The following B3GALT5 variants were observed in gnomAD, a reference collection of about 807,000 sequenced individuals.
B3GALT5 encodes beta-1,3-galactosyltransferase 5.
For missense variants in B3GALT5, 328 were observed against 396.6 expected, an observed-to-expected ratio of 0.83 and a Z score of 1.47; for synonymous variants, 156 against 158.6, an observed-to-expected ratio of 0.98 and a Z score of 0.12.
chr21:39,656,272 G>A (rs550426055), intron 2 of B3GALT5, among the ~76,000 whole-genome samples: 63 of 152,288 alleles, frequency 4.1e-4, no homozygotes, highest in Non-Finnish European at 6.3e-4. Context: ...CAAGGCCTAT[G>A]CGGTGGTGAG....
intron 1 of B3GALT5, among the ~76,000 whole-genome samples, chr21:39,615,255 G>T (rs563665411): frequency 1.3e-5 from 2 of 152,120 alleles, no homozygotes; most frequent in Admixed American, 6.5e-5. Flanking sequence ...GACCTCTTCC[G>T]AGTTTTGACA....
intron 1 of B3GALT5, among the ~76,000 whole-genome samples, chr21:39,619,826 T>G (rs1262404808): frequency 6.6e-6 from 1 of 152,148 alleles, no homozygotes; most frequent in Non-Finnish European, 1.5e-5. Flanking sequence ...TTATTTTTTT[T>G]AGGCAGAGTC....
rs141794161 is a variant in B3GALT5 at position 39,635,320 on chromosome 21, T to C, written c.-391-11072T>C. ...CAAGATGTGCCATGGAGAGTGAAGG[T>C]GTGTGAGTCAAGGGATGATCCTATG... On this transcript the variant is annotated intron_variant, in intron 1 of 3. Coordinates refer to ENST00000684187, the MANE Select transcript of B3GALT5 (RefSeq NM_001356336.2). 5.8e-3 allele frequency among the ~76,000 whole-genome samples: 885 copies of C among 152,116 alleles called. 10 individuals are homozygous for C. The highest frequency in any genetic ancestry group is 0.02 in the African/African-American group (849 of 41,488).
chr21:39,637,590 C>T (rs181183966), intron 1 of B3GALT5, among the ~76,000 whole-genome samples: 60 of 152,356 alleles, frequency 3.9e-4, no homozygotes, highest in African/African-American at 1.2e-3. Flanking sequence ...ATGGCTACCC[C>T]GCCCAGGGCT....
chr21:39,620,380 A>G (rs1201556038), intron 1 of B3GALT5, among the ~76,000 whole-genome samples: 1 of 152,200 alleles, frequency 6.6e-6, no homozygotes, highest in Non-Finnish European at 1.5e-5. Flanking sequence ...GAAGTTATGC[A>G]TTTTTGGTAA....
chr21:39,636,885 G>T (rs2079231977), intron 1 of B3GALT5, among the ~76,000 whole-genome samples: 1 of 152,152 alleles, frequency 6.6e-6, no homozygotes, highest in Non-Finnish European at 1.5e-5. Flanking sequence ...GTGGTGGAAG[G>T]GATCCGCTGT....
intron 2 of B3GALT5, among the ~76,000 whole-genome samples, chr21:39,656,081 T>C (rs1476831299): frequency 1.3e-5 from 2 of 152,184 alleles, no homozygotes; most frequent in African/African-American, 2.4e-5. Flanking sequence ...TGTTAAAATA[T>C]AGATTCCTGG....
At chr21:39,652,118 G>A (rs1555927784) in intron 2 of B3GALT5, among the ~76,000 whole-genome samples, 1 of 152,182 alleles carries the variant, frequency 6.6e-6, no homozygotes, top group Non-Finnish European at 1.5e-5. Context: ...GAAGGTCATT[G>A]TCCTTGTAGC....
intron 1 of B3GALT5, among the ~76,000 whole-genome samples, chr21:39,626,303 T>C (rs773838689): frequency 1.3e-5 from 2 of 152,250 alleles, no homozygotes; most frequent in Non-Finnish European, 2.9e-5. Flanking sequence ...TGTATATATA[T>C]AGCATTTTGT....
intron 1 of B3GALT5, among the ~76,000 whole-genome samples, chr21:39,618,718 T>C (rs1292042210): frequency 1.3e-5 from 2 of 152,216 alleles, no homozygotes; most frequent in Non-Finnish European, 2.9e-5. Context: ...ATTGCAAATA[T>C]CTACTCCGTC....
chr21:39,649,825 T>C (rs10854398), intron 2 of B3GALT5, among the ~76,000 whole-genome samples: 76,793 of 151,894 alleles, frequency 0.51, 19,590 homozygotes, highest in Middle Eastern at 0.57. Context: ...GATCAGATAG[T>C]GATGGTGTGG....
intron 1 of B3GALT5, among the ~76,000 whole-genome samples, chr21:39,645,947 G>T (rs1276947540): frequency 2.0e-5 from 3 of 150,668 alleles, no homozygotes; most frequent in African/African-American, 4.9e-5. Context: ...CACTGATCCC[G>T]CAGCCGCCCT....
At chr21:39,650,688 T>C (rs2079386324) in intron 2 of B3GALT5, among the ~76,000 whole-genome samples, 1 of 152,180 alleles carries the variant, frequency 6.6e-6, no homozygotes, top group Non-Finnish European at 1.5e-5. Context: ...GGTGCTCTCC[T>C]GTGGCTCTGG....
chr21:39,613,357 G>A (rs188566821), intron 1 of B3GALT5, among the ~76,000 whole-genome samples: 72 of 152,328 alleles, frequency 4.7e-4, no homozygotes, highest in African/African-American at 1.4e-3. Flanking sequence ...GCACGGTGCG[G>A]ACACAAGACT....
At position 39,661,265 on chromosome 21, in the gene B3GALT5, G is replaced by T. The variant is rs369365169; in HGVS notation, c.706G>T (p.Val236Phe). Residue 236 changes from valine (V) to phenylalanine (F), a missense_variant, in exon 4 of 4, where the codon GTC becomes TTC. Coordinates refer to ENST00000684187, the MANE Select transcript of B3GALT5 (RefSeq NM_001356336.2). The surrounding 1 kb of genome is among the most constrained non-coding windows in gnomAD (Gnocchi z 4.7). Reference protein sequence around the residue: ...ASQVYNVSKSVPYIKLEDVFV... With the variant: ...ASQVYNVSKSFPYIKLEDVFV... ...TCAGGTGTACAATGTCTCCAAGAGC[G>T]TCCCATACATTAAACTGGAAGACGT... is the stretch of plus-strand genomic sequence containing the variant. 1 of 1,614,048 alleles carries T rather than the reference G, an allele frequency of 6.2e-7. No individual in the cohort carries two copies. The highest frequency in any genetic ancestry group is 8.5e-7 in the Non-Finnish European group (1 of 1,180,064).
intron 2 of B3GALT5, among the ~76,000 whole-genome samples, chr21:39,647,643 C>T (rs561450568): frequency 7.9e-5 from 12 of 152,262 alleles, no homozygotes; most frequent in South Asian, 2.1e-4. Context: ...TCACCATGTC[C>T]GGCCCCTTGT....
intron 1 of B3GALT5, among the ~76,000 whole-genome samples, chr21:39,633,408 T>C (rs118127970): frequency 6.6e-6 from 1 of 152,222 alleles, no homozygotes; most frequent in African/African-American, 2.4e-5. Flanking sequence ...GTTAACAGAA[T>C]AGTGCTATGG....
intron 1 of B3GALT5, among the ~76,000 whole-genome samples, chr21:39,614,922 T>TCAG (rs1204383651): frequency 6.6e-6 from 1 of 152,232 alleles, no homozygotes; most frequent in Non-Finnish European, 1.5e-5. Context: ...CTGGGCTTTA[T>TCAG]CAGCCTCTCT....
intron 1 of B3GALT5, among the ~76,000 whole-genome samples, chr21:39,615,049 ATAAAC>A (rs2079100485): frequency 8.0e-6 from 1 of 124,768 alleles, no homozygotes; most frequent in Non-Finnish European, 1.9e-5. Flanking sequence ...GTGGCCCTGC[ATAAAC>A]CCAGGTTTGC....
Sources: gnomAD v4.1 joint callset for allele counts (sites outside exome capture counted in the v4.1 genomes callset) on GRCh38, gnomAD v4.1.1 for gene constraint, Gnocchi (gnomAD v3.1) non-coding constraint, MANE v1.5 for transcripts, NCBI Gene and HGNC (gene_info 2026-07-23, HGNC 2026-07-21) for gene names.